The following ZKSCAN7 variants were observed in gnomAD, a reference collection of about 807,000 sequenced individuals.
The protein encoded by ZKSCAN7 is zinc finger protein with KRAB and SCAN domains 7.
In ZKSCAN7, 38 loss-of-function variants were observed where a neutral mutation model predicts 65.3. The observed-to-expected ratio is 0.58, with a 90% CI of 0.45 to 0.76. The LOEUF is 0.76. Among genes scored for constraint, ZKSCAN7 ranks in the 30% least tolerant of loss-of-function variants. The pLI is 0.00. For synonymous variants in ZKSCAN7, 321 were observed against 321.0 expected, an observed-to-expected ratio of 1.00 and a Z score of 0.00; for missense variants, 815 against 913.3, an observed-to-expected ratio of 0.89 and a Z score of 1.39.
intron 5 of ZKSCAN7, chr3:44,578,259 C>G (rs905325260): frequency 7.0e-6 from 11 of 1,565,706 alleles, no homozygotes; most frequent in Non-Finnish European, 8.8e-7. Context: ...GTCTGCAGCT[C>G]ATCCTTGAGG....
In ZKSCAN7 at chr3:44,578,302, C is replaced by T. The variant is rs145256857; in HGVS notation, c.812-4670C>T. The T allele has an allele frequency of 8.1e-4, 1,280 of 1,588,206 alleles. 3 individuals carry two copies. The African/African-American group carries it at 0.015, about 18-fold the overall frequency. ...TCTCCTGTTTCAGGTACTGTATTTC[C>T]GATTCCTATATCCGCAATAAGACTT... On this transcript the variant is annotated intron_variant, in intron 5 of 5. Transcript: ENST00000341840.
chr3:44,557,163 G>T lies in ZKSCAN7; in HGVS notation c.116G>T (p.Gly39Val). Residue 39 changes from glycine (G) to valine (V), a missense_variant, in exon 2 of 6, where the codon GGC becomes GTC. This residue lies in a region of ZKSCAN7 where 227 missense variants were observed against 253.3 expected (regional missense o/e 0.90). Transcript: ENST00000426540. ...QEPANQTWGQGSSLQKNYPPV... is the reference protein window; with the variant it reads ...QEPANQTWGQVSSLQKNYPPV... ...CCAGCAAACCAGACCTGGGGGCAGG[G>T]CAGCAGTCTCCAGAAGAACTATCCT... is the stretch of plus-strand genomic sequence containing the variant. 1 of 1,614,258 alleles carries T rather than the reference G, an allele frequency of 6.2e-7. No individual in the cohort carries two copies. The highest frequency in any genetic ancestry group is 1.6e-4 in the Middle Eastern group (1 of 6,062).
chr3:44,580,319 A>G (rs1575387468), intron 5 of ZKSCAN7: 1 of 1,613,372 alleles, frequency 6.2e-7, no homozygotes, highest in Non-Finnish European at 8.5e-7. Context: ...TCTCCAGCCC[A>G]GGTTCCCGCA....
intron 5 of ZKSCAN7, chr3:44,582,825 C>G (rs910170025): frequency 3.1e-6 from 1 of 324,382 alleles, no homozygotes; most frequent in African/African-American, 2.2e-5. Flanking sequence ...ATGAATGGCC[C>G]CACCCACCCA....
intron 5 of ZKSCAN7, chr3:44,580,908 G>A (rs1228737310): frequency 1.5e-5 from 25 of 1,613,318 alleles, no homozygotes; most frequent in Non-Finnish European, 1.9e-5. Flanking sequence ...TTTTGCCTGC[G>A]TCAGGTCCTC....
chr3:44,575,260 C>T (rs1374787247), downstream of ZKSCAN7, among the ~76,000 whole-genome samples: 1 of 152,212 alleles, frequency 6.6e-6, no homozygotes, highest in Non-Finnish European at 1.5e-5. Flanking sequence ...TGCACCACTG[C>T]AATCTAGCCT....
chr3:44,561,721 A>C (rs1038537525), intron 2 of ZKSCAN7, among the ~76,000 whole-genome samples: 1 of 152,214 alleles, frequency 6.6e-6, no homozygotes, highest in African/African-American at 2.4e-5. Flanking sequence ...TGCAAGTCCA[A>C]AACCAAGCAG....
intron 2 of ZKSCAN7, among the ~76,000 whole-genome samples, chr3:44,564,608 A>C (rs1699576586): frequency 6.6e-6 from 1 of 152,236 alleles, no homozygotes; most frequent in Admixed American, 6.5e-5. Flanking sequence ...TGCTCAGAGA[A>C]AGCTTCTCTG....
Position 44,572,120 on chromosome 3 carries a change from T to C in ZKSCAN7, c.*745T>C, listed in dbSNP as rs1049581269. 1.3e-5 allele frequency: 13 copies of C among 984,086 alleles called. No individual in the cohort carries two copies. Among genetic ancestry groups the C allele is most frequent in the Non-Finnish European group, 1.6e-5 (13 of 828,808 alleles). 61.0% of individuals were successfully genotyped at this position (984,086 alleles called of 1,614,324 possible). A position where few individuals can be genotyped will look rare whatever the true frequency, so the allele number is the denominator to read the frequency against. On this transcript the variant is annotated 3_prime_UTR_variant, in exon 6 of 6. Coordinates refer to ENST00000426540, the MANE Select transcript of ZKSCAN7 (RefSeq NM_001288590.2). ...TCTTTCCCATATAGATAGTATTTTG[T>C]ACATACCAGTTGTTAAATAAATAAT...
chr3:44,582,723 G>C (rs1035142702), intron 5 of ZKSCAN7, among the ~76,000 whole-genome samples: 1 of 152,074 alleles, frequency 6.6e-6, no homozygotes, highest in African/African-American at 2.4e-5. Context: ...TGACCCTTAC[G>C]TTCTCTAAAA....
chr3:44,582,150 A>G (rs1559436047), intron 5 of ZKSCAN7, among the ~76,000 whole-genome samples: 1 of 152,240 alleles, frequency 6.6e-6, no homozygotes, highest in Admixed American at 6.5e-5. Flanking sequence ...CTCCACAAGC[A>G]CCTAGTGGTG....
downstream of ZKSCAN7, among the ~76,000 whole-genome samples, chr3:44,576,601 AT>A (rs563403971): frequency 3.1e-4 from 47 of 152,320 alleles, no homozygotes; most frequent in Admixed American, 1.8e-3. Context: ...TCATTAGTGA[AT>A]GACAAGGGCT....
intron 3 of ZKSCAN7, among the ~76,000 whole-genome samples, chr3:44,567,179 AAG>A (rs1165812534): frequency 1.6e-4 from 6 of 37,276 alleles, no homozygotes; most frequent in African/African-American, 5.6e-4. Flanking sequence ...GAGAAAAGAA[AAG>A]AGAGAAAAGA....
chr3:44,570,397 T>A lies in ZKSCAN7; in HGVS notation c.1287T>A (p.His429Gln). ...GGCAAACCTCCCAGCTCATTGTTCATCTCAGAACCCACACAGGGGAAAAAC... is the reference window on the plus strand; with the variant it reads ...GGCAAACCTCCCAGCTCATTGTTCAACTCAGAACCCACACAGGGGAAAAAC... ...TFRQTSQLIV[H>Q]LRTHTGEKPY... The change falls in exon 6 of 6, where the codon CAT becomes CAA. Residue 429 changes from histidine (H) to glutamine (Q), a missense_variant. Around this residue, in one of 3 missense-constraint regions of ZKSCAN7, gnomAD observed 578 missense variants for 629.5 expected, o/e 0.92. Transcript: ENST00000426540. The A allele has an allele frequency of 4.3e-6, 7 of 1,613,836 alleles. No homozygotes were observed. The highest frequency in any genetic ancestry group is 5.9e-6 in the Non-Finnish European group (7 of 1,179,904).
chr3:44,565,672 C>T lies in ZKSCAN7; in HGVS notation c.592+17C>T, dbSNP rs1303907805. ...GGGACTTCGGTACTTATCTCCCCAGCTTTGGCCTTAAGTCATGCCTCCCTT... is the reference window on the plus strand; with the variant it reads ...GGGACTTCGGTACTTATCTCCCCAGTTTTGGCCTTAAGTCATGCCTCCCTT... On this transcript the variant is annotated intron_variant, in intron 3 of 5. Transcript: ENST00000426540. 13 of 1,570,180 alleles carry T rather than the reference C, an allele frequency of 8.3e-6. No homozygotes were observed. The highest frequency in any genetic ancestry group is 1.4e-5 in the African/African-American group (1 of 73,146).
At position 44,571,640 on chromosome 3, in the gene ZKSCAN7, A is replaced by T; in HGVS notation, c.*265A>T. 7.7e-7 allele frequency: 1 copy of T among 1,296,208 alleles called. No individual in the cohort carries two copies. Among genetic ancestry groups the T allele is most frequent in the Non-Finnish European group, 9.8e-7 (1 of 1,021,960 alleles). 80.3% of individuals were successfully genotyped at this position (1,296,208 alleles called of 1,614,324 possible). On this transcript the variant is annotated 3_prime_UTR_variant, in exon 6 of 6. Coordinates refer to ENST00000426540, the MANE Select transcript of ZKSCAN7 (RefSeq NM_001288590.2). ...AATTTTAACTTTTAAAATCTATTTC[A>T]TTTCTTAGTTATGCATCTCATAATC...
chr3:44,580,251 C>T (rs555913314), intron 5 of ZKSCAN7: 55 of 1,613,530 alleles, frequency 3.4e-5, no homozygotes, highest in Middle Eastern at 1.7e-4. Context: ...GCTCTCCCCC[C>T]GGACTTTGCG....
At chr3:44,560,909 AT>A (rs748284446) in intron 2 of ZKSCAN7, among the ~76,000 whole-genome samples, 1 of 152,180 alleles carries the variant, frequency 6.6e-6, no homozygotes, top group Non-Finnish European at 1.5e-5. Context: ...TGTAGTAAGC[AT>A]TCCCTTGCCC....
chr3:44,569,935 G>C lies in ZKSCAN7; in HGVS notation c.825G>C (p.Met275Ile), dbSNP rs1225958184. 1 of 1,536,754 alleles carries C rather than the reference G, an allele frequency of 6.5e-7. No homozygotes were observed. Among genetic ancestry groups the C allele is most frequent in the Non-Finnish European group, 8.7e-7 (1 of 1,146,310 alleles). The change falls in exon 6 of 6, where the codon ATG becomes ATC. Residue 275 changes from methionine to isoleucine, a missense_variant. Physicochemically the swap from Met to Ile is conservative, Grantham distance 10 (BLOSUM62 1). Coordinates refer to ENST00000426540, the MANE Select transcript of ZKSCAN7 (RefSeq NM_001288590.2). Reference protein sequence around the residue: ...HSMASLAGENMMKGSELTPKQ... With the variant: ...HSMASLAGENIMKGSELTPKQ... The stretch of plus-strand genomic sequence containing the variant: ...TTCTTTGGGCAGCAGGTGAGAACAT[G>C]ATGAAGGGTTCAGAGTTGACTCCAA...
Sources: allele counts gnomAD v4.1 joint callset (sites outside exome capture counted in the v4.1 genomes callset), GRCh38; gene constraint gnomAD v4.1.1; regional missense constraint gnomAD v4.1.1; transcripts MANE v1.5; gene names NCBI Gene and HGNC (gene_info 2026-07-23, HGNC 2026-07-21).